The following DCBLD2 variants were observed in gnomAD, a reference collection of about 807,000 sequenced individuals.
DCBLD2 encodes the protein discoidin, CUB and LCCL domain-containing protein 2.
In DCBLD2, 54 loss-of-function variants were observed where a neutral mutation model predicts 86.8. The ratio of observed to expected loss-of-function variants is 0.62; its 90% CI spans 0.50 to 0.78. DCBLD2 has a LOEUF of 0.78. DCBLD2 is among the 30% of genes least tolerant of loss of function. The pLI, the probability that DCBLD2 is intolerant of heterozygous loss-of-function variation, is 0.00. For missense variants in DCBLD2, 908 were observed against 954.2 expected, an observed-to-expected ratio of 0.95 and a Z score of 0.64; for synonymous variants, 354 against 341.3, an observed-to-expected ratio of 1.04 and a Z score of -0.41.
chr3:98,883,739 T>C (rs1413824076), intron 1 of DCBLD2, among the ~76,000 whole-genome samples: 1 of 152,180 alleles, frequency 6.6e-6, no homozygotes, highest in East Asian at 1.9e-4. Flanking sequence ...AACAGTTATT[T>C]ACAAATCACC....
At chr3:98,890,306 A>G (rs1034451305) in intron 1 of DCBLD2, 1 of 152,100 alleles carries the variant, frequency 6.6e-6, no homozygotes, top group Non-Finnish European at 1.5e-5. Context: ...GTAACCACAG[A>G]GGCAGAGACT....
chr3:98,830,232 T>C (rs1359557280), intron 3 of DCBLD2, among the ~76,000 whole-genome samples: 1 of 152,268 alleles, frequency 6.6e-6, no homozygotes, highest in African/African-American at 2.4e-5. Context: ...ACAGAAGCTC[T>C]TAATTTTAAT....
At chr3:98,836,669 G>C (rs1424167185) in intron 3 of DCBLD2, among the ~76,000 whole-genome samples, 1 of 114,684 alleles carries the variant, frequency 8.7e-6, no homozygotes, top group African/African-American at 3.4e-5. Flanking sequence ...CAGTAGGGGC[G>C]GCCGGGCAGA....
chr3:98,839,033 G>GGAGAGA (rs1942552788), intron 3 of DCBLD2, among the ~76,000 whole-genome samples: 1 of 151,764 alleles, frequency 6.6e-6, no homozygotes, highest in Admixed American at 6.6e-5. Context: ...GTCGGGAGAG[G>GGAGAGA]GAGAGGGAGA....
At chr3:98,868,759 C>T (rs1368980203) in intron 2 of DCBLD2, among the ~76,000 whole-genome samples, 2 of 152,108 alleles carry the variant, frequency 1.3e-5, no homozygotes, top group South Asian at 2.1e-4. Context: ...CAGTTCTATC[C>T]AAGGAGCTGC....
chr3:98,838,806 A>G (rs1205411477), intron 3 of DCBLD2, among the ~76,000 whole-genome samples: 1 of 152,118 alleles, frequency 6.6e-6, no homozygotes, highest in African/African-American at 2.4e-5. Context: ...GCACCTCGGG[A>G]GGCTGAGGTT....
intron 2 of DCBLD2, among the ~76,000 whole-genome samples, chr3:98,859,378 T>A (rs1942997613): frequency 6.6e-6 from 1 of 152,200 alleles, no homozygotes; most frequent in South Asian, 2.1e-4. Context: ...AAGAGAGTAG[T>A]GGTTCTCCCA....
chr3:98,883,374 C>T (rs539560618), intron 1 of DCBLD2, among the ~76,000 whole-genome samples: 21 of 152,204 alleles, frequency 1.4e-4, no homozygotes, highest in African/African-American at 4.6e-4. Context: ...AGTAGTTCCT[C>T]CCGCACACCT....
chr3:98,825,112 A>G (rs1942192211), intron 4 of DCBLD2, among the ~76,000 whole-genome samples: 1 of 152,200 alleles, frequency 6.6e-6, no homozygotes, highest in Admixed American at 6.5e-5. Context: ...GCAGATCTAA[A>G]TGCTACAATA....
At chr3:98,839,175 T>TTTCTTC (rs1553727063) in intron 3 of DCBLD2, among the ~76,000 whole-genome samples, 6 of 101,538 alleles carry the variant, frequency 5.9e-5, no homozygotes, top group African/African-American at 1.3e-4. Flanking sequence ...TTCTTTCCTT[T>TTTCTTC]CTTTCTTCCT....
chr3:98,870,805 G>GAA (rs1491246808), intron 2 of DCBLD2, among the ~76,000 whole-genome samples: 1 of 148,402 alleles, frequency 6.7e-6, no homozygotes, highest in South Asian at 2.1e-4. Flanking sequence ...AAGAAAGAAA[G>GAA]AAAGAAAGGT....
At chr3:98,884,431 T>G (rs1052409535) in intron 1 of DCBLD2, among the ~76,000 whole-genome samples, 2 of 150,670 alleles carry the variant, frequency 1.3e-5, no homozygotes, top group Middle Eastern at 6.4e-3. Flanking sequence ...AAATTTCCCC[T>G]GAAACTGGCA....
intron 2 of DCBLD2, among the ~76,000 whole-genome samples, chr3:98,850,403 C>T (rs1410347430): frequency 2.6e-5 from 4 of 152,092 alleles, no homozygotes; most frequent in African/African-American, 7.2e-5. Flanking sequence ...TCTGTTGGGC[C>T]GCATTCAAAG....
intron 13 of DCBLD2, among the ~76,000 whole-genome samples, chr3:98,804,770 A>C (rs940677848): frequency 2.1e-4 from 32 of 152,234 alleles, no homozygotes; most frequent in African/African-American, 7.0e-4. Flanking sequence ...TTTCAAAGAA[A>C]ATCTTTATTT....
intron 1 of DCBLD2, among the ~76,000 whole-genome samples, chr3:98,885,084 C>T (rs776867255): frequency 9.2e-5 from 14 of 152,058 alleles, no homozygotes; most frequent in Non-Finnish European, 1.9e-4. Context: ...TGCATGCATG[C>T]TGATGAAGAA....
At chr3:98,859,180 G>A (rs1404602894) in intron 2 of DCBLD2, among the ~76,000 whole-genome samples, 1 of 152,192 alleles carries the variant, frequency 6.6e-6, no homozygotes, top group Non-Finnish European at 1.5e-5. Context: ...GCTGGGGGAG[G>A]GGAGCCCACC....
chr3:98,891,154 ATG>A (rs141128696), intron 1 of DCBLD2, among the ~76,000 whole-genome samples: 9 of 146,094 alleles, frequency 6.2e-5, no homozygotes, highest in East Asian at 2.2e-4. Context: ...GAGTGTGAGA[ATG>A]TGTGTGTGTG....
At chr3:98,828,626 G>C (rs1942267684) in intron 3 of DCBLD2, among the ~76,000 whole-genome samples, 1 of 152,184 alleles carries the variant, frequency 6.6e-6, no homozygotes, top group Non-Finnish European at 1.5e-5. Flanking sequence ...TGGTGCAACT[G>C]TTTTGGAAAA....
intron 1 of DCBLD2, among the ~76,000 whole-genome samples, chr3:98,886,799 A>AC (rs1483063834): frequency 1.1e-3 from 108 of 102,362 alleles, no homozygotes; most frequent in African/African-American, 2.5e-3. Context: ...ATTACAGGAA[A>AC]ACCCCCCCCC....
Sources: allele counts gnomAD v4.1 joint callset (sites outside exome capture counted in the v4.1 genomes callset), GRCh38; gene constraint gnomAD v4.1.1; transcripts MANE v1.5; gene names NCBI Gene and HGNC (gene_info 2026-07-23, HGNC 2026-07-21).